BMAL1: variants seen among roughly 807,000 people sequenced by gnomAD.
BMAL1 encodes basic helix-loop-helix ARNT-like protein 1.
chr11:13,377,552 C>T, the BMAL1 span, among the ~76,000 whole-genome samples: 2 of 152,196 alleles, frequency 1.3e-5, no homozygotes, highest in Non-Finnish European at 2.9e-5. Context: ...CCCCATCCTC[C>T]ATTGTAGTTC....
chr11:13,366,983 AT>A, the BMAL1 span, among the ~76,000 whole-genome samples: 1 of 152,236 alleles, frequency 6.6e-6, no homozygotes, highest in African/African-American at 2.4e-5. Context: ...GAAGAAAAAA[AT>A]CTCAATGTCC....
chr11:13,377,493 T>TG, the BMAL1 span, among the ~76,000 whole-genome samples: 2 of 152,210 alleles, frequency 1.3e-5, no homozygotes, highest in African/African-American at 4.8e-5. Flanking sequence ...CCTCATCTGC[T>TG]GCCTGGATTA....
the BMAL1 span, among the ~76,000 whole-genome samples, chr11:13,347,382 A>G: frequency 6.6e-6 from 1 of 152,176 alleles, no homozygotes; most frequent in Non-Finnish European, 1.5e-5. Flanking sequence ...CCCTGTCTCA[A>G]AAAAAATAAA....
At chr11:13,309,802 G>A in the BMAL1 span, among the ~76,000 whole-genome samples, 10 of 152,192 alleles carry the variant, frequency 6.6e-5, no homozygotes, top group Non-Finnish European at 1.5e-4. Flanking sequence ...GTACTGAGAG[G>A]AGGGGGTGCC....
the BMAL1 span, chr11:13,375,754 T>G: frequency 5.8e-6 from 9 of 1,561,960 alleles, no homozygotes; most frequent in South Asian, 1.2e-5. Flanking sequence ...CAACTAACAC[T>G]GTTGTTTTGT....
At chr11:13,329,680 G>A in the BMAL1 span, among the ~76,000 whole-genome samples, 1 of 152,206 alleles carries the variant, frequency 6.6e-6, no homozygotes, top group Non-Finnish European at 1.5e-5. Flanking sequence ...AGGCTGCGTG[G>A]AAGCCCAGAG....
chr11:13,326,724 A>ATT, the BMAL1 span, among the ~76,000 whole-genome samples: 1 of 45,042 alleles, frequency 2.2e-5, no homozygotes, highest in East Asian at 5.7e-4. Flanking sequence ...TTATATAGGT[A>ATT]TTATATATAT....
At chr11:13,367,706 GAA>G in the BMAL1 span, among the ~76,000 whole-genome samples, 4 of 86,200 alleles carry the variant, frequency 4.6e-5, no homozygotes, top group East Asian at 7.6e-4. Context: ...CTCTGTCTCA[GAA>G]AAAAAAAAAA....
At chr11:13,301,494 T>A in the BMAL1 span, among the ~76,000 whole-genome samples, 1 of 152,100 alleles carries the variant, frequency 6.6e-6, no homozygotes, top group African/African-American at 2.4e-5. Context: ...CTCCATCCTT[T>A]TAGAGAAGGG....
chr11:13,322,989 G>A, the BMAL1 span, among the ~76,000 whole-genome samples: 7 of 150,754 alleles, frequency 4.6e-5, no homozygotes, highest in South Asian at 2.1e-4. Context: ...TAGAGACAGC[G>A]TCTAGCCATG....
chr11:13,374,649 TCTA>T, the BMAL1 span, among the ~76,000 whole-genome samples: 2 of 152,180 alleles, frequency 1.3e-5, no homozygotes, highest in Non-Finnish European at 2.9e-5. Context: ...TTTCCAAAAG[TCTA>T]CTTTTTACCA....
At chr11:13,383,078 C>T in the BMAL1 span, among the ~76,000 whole-genome samples, 1 of 152,200 alleles carries the variant, frequency 6.6e-6, no homozygotes, top group Non-Finnish European at 1.5e-5. Flanking sequence ...ACAGTTAAAA[C>T]TGACAGCAGT....
chr11:13,331,956 G>A, the BMAL1 span, among the ~76,000 whole-genome samples: 396 of 152,310 alleles, frequency 2.6e-3, no homozygotes, highest in African/African-American at 9.2e-3. Context: ...GAGGCCGGGC[G>A]GGGTTGGTCT....
chr11:13,303,979 A>T, the BMAL1 span, among the ~76,000 whole-genome samples: 3 of 152,166 alleles, frequency 2.0e-5, no homozygotes, highest in Non-Finnish European at 2.9e-5. Context: ...AGCAAGACAA[A>T]GGCTGCTGGA....
chr11:13,372,810 CAA>C, the BMAL1 span, among the ~76,000 whole-genome samples: 5 of 148,876 alleles, frequency 3.4e-5, no homozygotes, highest in African/African-American at 1.2e-4. Context: ...GACCCTGTTT[CAA>C]AAAAAAAGAG....
the BMAL1 span, chr11:13,376,910 T>C: frequency 3.3e-6 from 2 of 599,996 alleles, no homozygotes; most frequent in African/African-American, 1.9e-5. Flanking sequence ...ACTTTCTCTG[T>C]TGAGCCGGAA....
chr11:13,285,988 A>T, the BMAL1 span, among the ~76,000 whole-genome samples: 1 of 152,218 alleles, frequency 6.6e-6, no homozygotes, highest in Non-Finnish European at 1.5e-5. Context: ...ATTCTGCTTC[A>T]TGTGCACAAC....
the BMAL1 span, among the ~76,000 whole-genome samples, chr11:13,363,416 C>T: frequency 6.6e-6 from 1 of 151,982 alleles, no homozygotes; most frequent in Non-Finnish European, 1.5e-5. Flanking sequence ...TCTCTCTTGC[C>T]CGATGAAGGT....
the BMAL1 span, among the ~76,000 whole-genome samples, chr11:13,321,766 C>A: frequency 6.6e-6 from 1 of 152,094 alleles, no homozygotes; most frequent in Non-Finnish European, 1.5e-5. Context: ...TACTTGTAAG[C>A]AGGTAGATTA....
Sources: gnomAD v4.1 joint callset for allele counts (sites outside exome capture counted in the v4.1 genomes callset) on GRCh38, gnomAD v4.1.1 for gene constraint, MANE v1.5 for transcripts, NCBI Gene and HGNC (gene_info 2026-07-23, HGNC 2026-07-21) for gene names.